PLCL2: variants seen among roughly 807,000 people sequenced by gnomAD.
PLCL2 encodes inactive phospholipase C-like protein 2.
In PLCL2, 4 loss-of-function variants were observed where a neutral mutation model predicts 79.6. The ratio of observed to expected loss-of-function variants is 0.05; its 90% CI spans 0.02 to 0.11. The LOEUF (loss-of-function observed/expected upper bound fraction) is 0.11, where lower values mean the gene tolerates loss of function less well. Ranked by LOEUF, PLCL2 falls within the 10% of genes least tolerant of loss-of-function variation. The pLI is 1.00. For synonymous variants in PLCL2, 484 were observed against 457.7 expected (o/e 1.06, Z -0.73); for missense variants, 895 against 1,291.0 (o/e 0.69, Z 4.70).
rs1331068417 is a variant in PLCL2, at chr3:17,011,350, C to T, written c.2004C>T (p.Asn668=). Residue 668 remains asparagine (N), a synonymous_variant, in exon 2 of 6, where the codon AAC becomes AAT. Coordinates refer to ENST00000615277, the MANE Select transcript of PLCL2 (RefSeq NM_001144382.2). This position sits in a 1 kb window ranked among gnomAD's most constrained non-coding sequence, Gnocchi z 7.9. ...NENPGDFVNY[N]KRFLARVFPS... ...ATCCAGGGGACTTTGTAAATTACAA[C>T]AAACGTTTTCTTGCTAGGGTTTTTC... 1 of 1,614,022 alleles carries T rather than the reference C, an allele frequency of 6.2e-7. No homozygotes were observed. The highest frequency in any genetic ancestry group is 8.5e-7 in the Non-Finnish European group (1 of 1,180,008).
intron 1 of PLCL2, among the ~76,000 whole-genome samples, chr3:16,947,920 T>G (rs1002572890): frequency 6.6e-6 from 1 of 152,248 alleles, no homozygotes; most frequent in Admixed American, 6.5e-5. Context: ...TTCATTAGTT[T>G]TATAAAATAG....
At chr3:16,938,059 G>A (rs576114851) in intron 1 of PLCL2, among the ~76,000 whole-genome samples, 1 of 152,280 alleles carries the variant, frequency 6.6e-6, no homozygotes, top group South Asian at 2.1e-4. Context: ...CCTGTATAAT[G>A]CAATCGTGTT....
intron 1 of PLCL2, among the ~76,000 whole-genome samples, chr3:16,894,797 G>C (rs1559478429): frequency 6.6e-6 from 1 of 151,586 alleles, no homozygotes. Flanking sequence ...AAAAAGTCAG[G>C]TTGTTTTTAT....
chr3:17,041,952 TAAAAAG>T (rs1189567677), intron 3 of PLCL2, among the ~76,000 whole-genome samples: 1 of 151,230 alleles, frequency 6.6e-6, no homozygotes, highest in Non-Finnish European at 1.5e-5. Flanking sequence ...CTTAAAAAAA[TAAAAAG>T]AAAAAAAATG....
chr3:16,900,780 G>A (rs771334240), intron 1 of PLCL2, among the ~76,000 whole-genome samples: 8 of 152,246 alleles, frequency 5.3e-5, no homozygotes, highest in Non-Finnish European at 7.4e-5. Context: ...TAAAATACAC[G>A]TGGTCACACT....
intron 3 of PLCL2, among the ~76,000 whole-genome samples, chr3:17,031,131 C>T (rs1171637733): frequency 6.6e-6 from 1 of 152,178 alleles, no homozygotes; most frequent in Non-Finnish European, 1.5e-5. Flanking sequence ...TCAAGTTCCC[C>T]TGTCCTCCCA....
chr3:16,937,467 G>C (rs566609658), intron 1 of PLCL2, among the ~76,000 whole-genome samples: 1 of 152,128 alleles, frequency 6.6e-6, no homozygotes, highest in Non-Finnish European at 1.5e-5. Context: ...AGTCAGTTAT[G>C]GTTGTTAAAT....
intron 1 of PLCL2, among the ~76,000 whole-genome samples, chr3:16,896,352 A>T (rs951351907): frequency 1.3e-5 from 2 of 152,124 alleles, no homozygotes; most frequent in Non-Finnish European, 2.9e-5. Flanking sequence ...TGAGGACTGG[A>T]TCTTCCTTGG....
chr3:17,089,700 T>C, intron 5 of PLCL2, 33 bp from the exon 6 acceptor site: 4 of 1,282,272 alleles, frequency 3.1e-6, no homozygotes, highest in Non-Finnish European at 4.5e-6. Flanking sequence ...TTATGTCATA[T>C]CTAATACTGT....
At chr3:17,067,931 A>G (rs768638667) in intron 4 of PLCL2, 25 bp from the exon 5 acceptor site, 1 of 1,356,632 alleles carries the variant, frequency 7.4e-7, no homozygotes, top group East Asian at 2.3e-5. Context: ...GAGTTAATAT[A>G]CTTTGTCTTT....
intron 4 of PLCL2, among the ~76,000 whole-genome samples, chr3:17,053,508 C>T (rs2064862786): frequency 6.6e-6 from 1 of 152,124 alleles, no homozygotes; most frequent in South Asian, 2.1e-4. Flanking sequence ...CTGCCCTGGC[C>T]CCTCCCAGAT....
At chr3:17,032,035 A>T (rs2064589307) in intron 3 of PLCL2, among the ~76,000 whole-genome samples, 1 of 136,748 alleles carries the variant, frequency 7.3e-6, no homozygotes, top group African/African-American at 2.8e-5. Context: ...AATTCTGTTT[A>T]TTTCGTGAAA....
At chr3:16,997,322 T>C (rs1038391207) in intron 1 of PLCL2, among the ~76,000 whole-genome samples, 2 of 152,162 alleles carry the variant, frequency 1.3e-5, no homozygotes, top group Non-Finnish European at 2.9e-5. Flanking sequence ...TAATTAATTA[T>C]GCTAAATTAC....
intron 3 of PLCL2, among the ~76,000 whole-genome samples, chr3:17,037,257 G>A (rs567819785): frequency 1.3e-5 from 2 of 152,212 alleles, no homozygotes; most frequent in East Asian, 3.9e-4. Flanking sequence ...TTGCCACCTG[G>A]GCGTTTACTG....
At chr3:17,045,588 C>T (rs1004021537) in intron 4 of PLCL2, among the ~76,000 whole-genome samples, 1 of 152,136 alleles carries the variant, frequency 6.6e-6, no homozygotes, top group African/African-American at 2.4e-5. Context: ...CGGAGATGCG[C>T]AGTTGGAGGC....
chr3:17,077,778 G>T (rs1006942811), intron 5 of PLCL2, among the ~76,000 whole-genome samples: 1 of 152,190 alleles, frequency 6.6e-6, no homozygotes, highest in East Asian at 1.9e-4. Context: ...AAGGGATCAT[G>T]AGAGGGACAG....
chr3:17,012,016 T>A lies in PLCL2; in HGVS notation c.2670T>A (p.His890Gln), dbSNP rs762349581. 12 of 1,614,144 alleles carry A rather than the reference T, an allele frequency of 7.4e-6. No individual in the cohort carries two copies. The highest frequency in any genetic ancestry group is 9.3e-6 in the Non-Finnish European group (11 of 1,180,004). ...ACCGAAGAGGAGGAGGAAAGCCTCA[T>A]AAAAGGGGCCTTTCTGTGAGAAAAG... ...ITNRRGGGKPHKRGLSVRKGK... is the reference protein window; with the variant it reads ...ITNRRGGGKPQKRGLSVRKGK... The change falls in exon 2 of 6, where the codon CAT becomes CAA. Residue 890 changes from histidine to glutamine, a missense_variant. Transcript: ENST00000615277.
chr3:16,901,572 C>T (rs1696619874), intron 1 of PLCL2, among the ~76,000 whole-genome samples: 1 of 152,216 alleles, frequency 6.6e-6, no homozygotes, highest in Non-Finnish European at 1.5e-5. Flanking sequence ...TGTCTTGAGA[C>T]CTGTACACTG....
intron 1 of PLCL2, among the ~76,000 whole-genome samples, chr3:16,921,942 T>C (rs1697133304): frequency 6.6e-6 from 1 of 152,160 alleles, no homozygotes; most frequent in Admixed American, 6.5e-5. Context: ...TCTTTGATTT[T>C]AGTAGGTTGG....
Sources: gnomAD v4.1 joint callset for allele counts (sites outside exome capture counted in the v4.1 genomes callset) on GRCh38, gnomAD v4.1.1 for gene constraint, Gnocchi (gnomAD v3.1) non-coding constraint, MANE v1.5 for transcripts, NCBI Gene and HGNC (gene_info 2026-07-23, HGNC 2026-07-21) for gene names.